ESRRG: variants seen among roughly 807,000 people sequenced by gnomAD.
ESRRG encodes estrogen related receptor gamma, also known as estrogen-related receptor gamma.
In ESRRG, 13 loss-of-function variants were observed where a neutral mutation model predicts 44.0. That is an observed-to-expected ratio of 0.30 (90% CI 0.19 to 0.47). The LOEUF is 0.47. Ranked by LOEUF, ESRRG falls within the 20% of genes least tolerant of loss-of-function variation. The pLI is 1.00. For synonymous variants in ESRRG, 215 were observed against 214.6 expected (o/e 1.00, Z -0.02); for missense variants, 395 against 580.6 (o/e 0.68, Z 3.29).
intron 2 of ESRRG, among the ~76,000 whole-genome samples, chr1:216,781,280 T>TAA (rs553039826): frequency 1.4e-5 from 2 of 141,930 alleles, no homozygotes; most frequent in Admixed American, 7.0e-5. Flanking sequence ...ACAACCAAAA[T>TAA]AAAAAAAAAA....
intron 1 of ESRRG, among the ~76,000 whole-genome samples, chr1:217,114,086 TC>T (rs2092691548): frequency 6.6e-6 from 1 of 152,116 alleles, no homozygotes; most frequent in Non-Finnish European, 1.5e-5. Flanking sequence ...AGATTTGGGA[TC>T]TTTCCTTATA....
intron 2 of ESRRG, among the ~76,000 whole-genome samples, chr1:216,753,474 C>T (rs992459930): frequency 4.6e-5 from 7 of 152,114 alleles, no homozygotes; most frequent in African/African-American, 1.7e-4. Flanking sequence ...CTGCCACCCT[C>T]CTTTTAAAAA....
intron 3 of ESRRG, among the ~76,000 whole-genome samples, chr1:216,600,508 GT>G (rs577474547): frequency 1.7e-3 from 262 of 152,192 alleles, no homozygotes; most frequent in African/African-American, 5.7e-3. Flanking sequence ...AAAGTGCTGG[GT>G]TTTTGTTTTG....
At chr1:216,668,344 A>C (rs12403563) in intron 2 of ESRRG, among the ~76,000 whole-genome samples, 31,956 of 152,166 alleles carry the variant, frequency 0.21, 4,326 homozygotes, top group Non-Finnish European at 0.3. Flanking sequence ...CTTACATGGG[A>C]TAGGCTCTTA....
chr1:217,024,186 G>A (rs113294144), intron 1 of ESRRG, among the ~76,000 whole-genome samples: 16,273 of 151,754 alleles, frequency 0.11, 2,379 homozygotes, highest in African/African-American at 0.33. Context: ...GTGAAACCCC[G>A]TCTCTACTAA....
At chr1:216,976,518 A>G (rs980934039) in intron 1 of ESRRG, among the ~76,000 whole-genome samples, 4 of 152,178 alleles carry the variant, frequency 2.6e-5, no homozygotes, top group Admixed American at 1.3e-4. Context: ...TAACCTTCAT[A>G]ACCCAGTGTC....
intron 1 of ESRRG, among the ~76,000 whole-genome samples, chr1:217,002,078 G>T (rs2077097365): frequency 6.6e-6 from 1 of 151,928 alleles, no homozygotes. Flanking sequence ...GAGTCTGGTG[G>T]ATCACTTGAG....
intron 1 of ESRRG, among the ~76,000 whole-genome samples, chr1:217,095,423 G>A (rs1324546310): frequency 6.6e-6 from 1 of 152,208 alleles, no homozygotes; most frequent in Non-Finnish European, 1.5e-5. Flanking sequence ...TGCTAAGCAA[G>A]GTGGATTAGT....
At chr1:216,734,376 G>C (rs919831862) in intron 2 of ESRRG, among the ~76,000 whole-genome samples, 3 of 152,158 alleles carry the variant, frequency 2.0e-5, no homozygotes, top group African/African-American at 7.2e-5. Context: ...AGGTGTTCGG[G>C]TCATGAGGGC....
chr1:216,995,047 T>A (rs1417754593), intron 1 of ESRRG, among the ~76,000 whole-genome samples: 1 of 152,144 alleles, frequency 6.6e-6, no homozygotes, highest in Admixed American at 6.6e-5. Flanking sequence ...CTGGAAGCTT[T>A]TAGGAACACT....
intron 2 of ESRRG, among the ~76,000 whole-genome samples, chr1:216,667,210 T>C (rs2074125989): frequency 6.6e-6 from 1 of 152,178 alleles, no homozygotes; most frequent in South Asian, 2.1e-4. Flanking sequence ...GAGGGTTTTA[T>C]TAAAGGAAAA....
chr1:216,579,457 C>G (rs2062314223), intron 3 of ESRRG, among the ~76,000 whole-genome samples: 1 of 152,122 alleles, frequency 6.6e-6, no homozygotes, highest in South Asian at 2.1e-4. Context: ...AGTGAGGAAA[C>G]TGTACATGTG....
intron 2 of ESRRG, among the ~76,000 whole-genome samples, chr1:216,858,451 A>ATAC (rs558232560): frequency 1.2e-3 from 189 of 151,832 alleles, no homozygotes; most frequent in African/African-American, 4.3e-3. Context: ...AATAATAATA[A>ATAC]TAAAATAAAA....
upstream of ESRRG, among the ~76,000 whole-genome samples, chr1:217,091,579 T>C (rs574206318): frequency 2.6e-5 from 4 of 152,336 alleles, no homozygotes; most frequent in East Asian, 5.8e-4. Flanking sequence ...CTGAGGACTA[T>C]TGACTGATGG....
At chr1:216,715,914 ATTG>A (rs991792133) in intron 1 of ESRRG, among the ~76,000 whole-genome samples, 2 of 150,000 alleles carry the variant, frequency 1.3e-5, no homozygotes, top group African/African-American at 2.5e-5. Context: ...TTACAAAGGT[ATTG>A]TTGTGATCAT....
chr1:216,601,934 C>T (rs1055584971), intron 3 of ESRRG, among the ~76,000 whole-genome samples: 15 of 152,254 alleles, frequency 9.9e-5, no homozygotes, highest in African/African-American at 3.4e-4. Context: ...ACCGATAGGG[C>T]CTTTGGGAGC....
At chr1:217,078,884 A>G (rs1476986580) in intron 1 of ESRRG, among the ~76,000 whole-genome samples, 1 of 152,158 alleles carries the variant, frequency 6.6e-6, no homozygotes. Flanking sequence ...TTTTAACATT[A>G]CTGTGTTGTC....
At chr1:217,061,119 G>C (rs2088375728) in intron 1 of ESRRG, among the ~76,000 whole-genome samples, 1 of 151,874 alleles carries the variant, frequency 6.6e-6, no homozygotes, top group Non-Finnish European at 1.5e-5. Flanking sequence ...TATCCAGGGG[G>C]ATTTTCAGGA....
chr1:216,576,337 C>CTTT (rs35207125), intron 3 of ESRRG, among the ~76,000 whole-genome samples: 1 of 145,706 alleles, frequency 6.9e-6, no homozygotes, highest in Non-Finnish European at 1.5e-5. Flanking sequence ...ATTAGGAGGG[C>CTTT]TTTTTTTTTT....
Sources: gnomAD v4.1 joint callset for allele counts (sites outside exome capture counted in the v4.1 genomes callset) on GRCh38, gnomAD v4.1.1 for gene constraint, MANE v1.5 for transcripts, NCBI Gene and HGNC (gene_info 2026-07-23, HGNC 2026-07-21) for gene names.